DLG2: variants seen among roughly 807,000 people sequenced by gnomAD.
The protein encoded by DLG2 is disks large homolog 2.
DLG2 carries 45 observed loss-of-function variants against 132.5 expected under a neutral mutation model. The observed-to-expected ratio is 0.34, with a 90% CI of 0.27 to 0.44. DLG2 has a LOEUF of 0.44. Among genes scored for constraint, DLG2 ranks in the 20% least tolerant of loss-of-function variants. The pLI, the probability that DLG2 is intolerant of heterozygous loss-of-function variation, is 1.00. For missense variants in DLG2, 1,045 were observed against 1,196.9 expected, an observed-to-expected ratio of 0.87 and a Z score of 1.87; for synonymous variants, 424 against 419.6, an observed-to-expected ratio of 1.01 and a Z score of -0.13.
chr11:83,998,895 CCAGGGCTCAGGCATG>C (rs1273511277), intron 11 of DLG2, among the ~76,000 whole-genome samples: 1 of 152,156 alleles, frequency 6.6e-6, no homozygotes, highest in Non-Finnish European at 1.5e-5. Context: ...GCTACTTCAG[CCAGGGCTCAGGCATG>C]TAGTTCCTGA....
At chr11:84,874,456 A>G (rs2085998378) in intron 6 of DLG2, among the ~76,000 whole-genome samples, 1 of 152,172 alleles carries the variant, frequency 6.6e-6, no homozygotes, top group Admixed American at 6.5e-5. Context: ...TTGGCCTGAG[A>G]TAAGGCTGGC....
intron 8 of DLG2, 21 bp from the exon 9 acceptor site, chr11:84,163,532 A>G (rs776413323): frequency 6.3e-7 from 1 of 1,584,866 alleles, no homozygotes; most frequent in Non-Finnish European, 8.6e-7. Flanking sequence ...GGAAAAAATA[A>G]GAAGAGAACT....
chr11:83,483,174 C>T (rs1035684706), intron 22 of DLG2: 3 of 1,241,610 alleles, frequency 2.4e-6, no homozygotes, highest in African/African-American at 3.0e-5. Context: ...GAAAGGCCCT[C>T]AGGAAAAGGA....
chr11:85,243,940 G>A (rs559089537), intron 4 of DLG2, among the ~76,000 whole-genome samples: 12 of 151,930 alleles, frequency 7.9e-5, no homozygotes, highest in South Asian at 2.1e-4. Flanking sequence ...TAGTCTAAGC[G>A]TCTTTATATG....
intron 6 of DLG2, among the ~76,000 whole-genome samples, chr11:84,980,268 A>C (rs2055544516): frequency 6.6e-6 from 1 of 152,174 alleles, no homozygotes; most frequent in Non-Finnish European, 1.5e-5. Flanking sequence ...AATAAGATGT[A>C]GGCTAGAACC....
chr11:85,152,652 T>C (rs72961554), intron 5 of DLG2, among the ~76,000 whole-genome samples: 11,414 of 152,268 alleles, frequency 0.075, 510 homozygotes, highest in African/African-American at 0.11. Context: ...AACTGAGGCA[T>C]ACAGCTAGTC....
At chr11:84,933,109 G>A (rs1190709193) in intron 6 of DLG2, among the ~76,000 whole-genome samples, 1 of 152,132 alleles carries the variant, frequency 6.6e-6, no homozygotes, top group South Asian at 2.1e-4. Flanking sequence ...TTCTCTATCA[G>A]TGATGTTGGG....
rs181894156 is a variant in DLG2, at chr11:83,677,119, G to A, written c.1826-43794C>T. On this transcript the variant is annotated intron_variant, in intron 18 of 27. Transcript: ENST00000376104. ...TTTTCTCCCCTAATTTCCTAAAAGT[G>A]TGTTTTCCCTTTTCTTATAATCATA... 7.7e-3 allele frequency among the ~76,000 whole-genome samples: 1,174 copies of A among 152,146 alleles called. 9 individuals are homozygous for A. The highest frequency in any genetic ancestry group is 0.054 in the Middle Eastern group (16 of 294).
intron 8 of DLG2, among the ~76,000 whole-genome samples, chr11:84,199,800 CTGTT>C (rs1221412284): frequency 1.3e-5 from 2 of 152,078 alleles, no homozygotes; most frequent in Non-Finnish European, 2.9e-5. Context: ...TGTCAGTTAT[CTGTT>C]TGACAATATC....
chr11:83,625,866 C>T (rs1276799635), intron 19 of DLG2, among the ~76,000 whole-genome samples: 2 of 152,152 alleles, frequency 1.3e-5, no homozygotes, highest in African/African-American at 4.8e-5. Flanking sequence ...GAGGATGCAA[C>T]CAGACTCGAT....
At chr11:84,940,903 T>A (rs1046595697) in intron 6 of DLG2, among the ~76,000 whole-genome samples, 11 of 152,350 alleles carry the variant, frequency 7.2e-5, no homozygotes, top group African/African-American at 2.6e-4. Flanking sequence ...TTGCCTTTTG[T>A]ATATAGTAAG....
chr11:83,978,401 T>G (rs144972054), intron 12 of DLG2, among the ~76,000 whole-genome samples: 38 of 152,194 alleles, frequency 2.5e-4, no homozygotes, highest in African/African-American at 8.2e-4. Flanking sequence ...CTTAGCACTA[T>G]GTAGAATATG....
At chr11:83,988,205 G>T (rs1299339528) in intron 11 of DLG2, among the ~76,000 whole-genome samples, 1 of 151,998 alleles carries the variant, frequency 6.6e-6, no homozygotes, top group Non-Finnish European at 1.5e-5. Flanking sequence ...AAGAATTCTT[G>T]CCTGTGCTTA....
intron 3 of DLG2, among the ~76,000 whole-genome samples, chr11:85,303,398 G>A (rs185054489): frequency 6.6e-6 from 1 of 152,138 alleles, no homozygotes; most frequent in African/African-American, 2.4e-5. Flanking sequence ...GATAATAATA[G>A]CAGAGGGAGA....
At chr11:85,295,911 C>T (rs1174096554) in intron 3 of DLG2, among the ~76,000 whole-genome samples, 2 of 152,130 alleles carry the variant, frequency 1.3e-5, no homozygotes, top group South Asian at 4.1e-4. Context: ...CTGATGAATG[C>T]CAAGGGAGAC....
chr11:84,015,627 C>T (rs768562241), intron 11 of DLG2, among the ~76,000 whole-genome samples: 16 of 152,148 alleles, frequency 1.1e-4, no homozygotes, highest in East Asian at 1.9e-4. Flanking sequence ...TAAGTGGGAA[C>T]GGGTGGTATT....
intron 25 of DLG2, among the ~76,000 whole-genome samples, chr11:83,467,775 A>ATG (rs2091338777): frequency 2.6e-5 from 1 of 38,206 alleles, no homozygotes; most frequent in African/African-American, 2.1e-4. Flanking sequence ...CTATATGTAT[A>ATG]TATATATATA....
intron 17 of DLG2, among the ~76,000 whole-genome samples, chr11:83,820,133 T>C (rs987916360): frequency 3.9e-5 from 6 of 152,170 alleles, no homozygotes; most frequent in African/African-American, 1.4e-4. Context: ...CAATGCAAAA[T>C]CTTTTACTGC....
chr11:83,726,271 G>T (rs1346496038), intron 18 of DLG2, among the ~76,000 whole-genome samples: 1 of 152,104 alleles, frequency 6.6e-6, no homozygotes, highest in Non-Finnish European at 1.5e-5. Context: ...AACTAATCTT[G>T]ACAAAGGGCT....
Sources: gnomAD v4.1 joint callset for allele counts (sites outside exome capture counted in the v4.1 genomes callset) on GRCh38, gnomAD v4.1.1 for gene constraint, MANE v1.5 for transcripts, NCBI Gene and HGNC (gene_info 2026-07-23, HGNC 2026-07-21) for gene names.